The following GRM8 variants were observed in gnomAD, a reference collection of about 807,000 sequenced individuals.
GRM8 encodes metabotropic glutamate receptor 8.
A neutral mutation model predicts 87.2 loss-of-function variants in GRM8; 47 were observed. That is an observed-to-expected ratio of 0.54 (90% CI 0.43 to 0.69). The LOEUF (loss-of-function observed/expected upper bound fraction) is 0.69, where lower values mean the gene tolerates loss of function less well. Ranked by LOEUF, GRM8 falls within the 30% of genes least tolerant of loss-of-function variation. The pLI, the probability that GRM8 is intolerant of heterozygous loss-of-function variation, is 0.00. For synonymous variants in GRM8, 396 were observed against 404.5 expected, an observed-to-expected ratio of 0.98 and a Z score of 0.25; for missense variants, 1,019 against 1,139.2, an observed-to-expected ratio of 0.89 and a Z score of 1.52.
intron 2 of GRM8, among the ~76,000 whole-genome samples, chr7:127,225,215 G>A (rs994572038): frequency 1.3e-5 from 2 of 152,184 alleles, no homozygotes; most frequent in Non-Finnish European, 2.9e-5. Flanking sequence ...TGTTCTGGGG[G>A]TACATCTAGG....
chr7:127,046,071 C>T (rs1818893813), intron 3 of GRM8, among the ~76,000 whole-genome samples: 1 of 152,080 alleles, frequency 6.6e-6, no homozygotes, highest in African/African-American at 2.4e-5. Context: ...CTCTCAATAA[C>T]GTTTATATTT....
At chr7:126,795,396 A>G (rs1821848428) in intron 6 of GRM8, among the ~76,000 whole-genome samples, 1 of 152,196 alleles carries the variant, frequency 6.6e-6, no homozygotes, top group Non-Finnish European at 1.5e-5. Context: ...TTTATAATAA[A>G]TGAAAAGTAT....
At chr7:126,524,338 T>C (rs368548418) in intron 9 of GRM8, among the ~76,000 whole-genome samples, 4 of 152,348 alleles carry the variant, frequency 2.6e-5, no homozygotes, top group Middle Eastern at 3.4e-3. Context: ...TGGTTGGCTA[T>C]AGAATTTTAA....
chr7:126,681,807 T>C (rs574493969), intron 7 of GRM8, among the ~76,000 whole-genome samples: 3 of 152,364 alleles, frequency 2.0e-5, no homozygotes, highest in Non-Finnish European at 4.4e-5. Flanking sequence ...ACACATACTT[T>C]TAATTGACAA....
At chr7:127,189,215 G>T (rs1447201317) in intron 2 of GRM8, among the ~76,000 whole-genome samples, 1 of 152,178 alleles carries the variant, frequency 6.6e-6, no homozygotes, top group Non-Finnish European at 1.5e-5. Flanking sequence ...AAATGTGTTT[G>T]TGTTTTCACT....
chr7:126,868,539 G>A (rs556951112), intron 6 of GRM8, among the ~76,000 whole-genome samples: 4 of 152,312 alleles, frequency 2.6e-5, no homozygotes, highest in Admixed American at 2.6e-4. Context: ...CATCCTTTGG[G>A]AAGATTAAGT....
chr7:127,096,707 C>T (rs1824691144), intron 3 of GRM8, among the ~76,000 whole-genome samples: 1 of 152,100 alleles, frequency 6.6e-6, no homozygotes, highest in Non-Finnish European at 1.5e-5. Context: ...AGTAAGTTAC[C>T]CAGATCCCTT....
intron 6 of GRM8, among the ~76,000 whole-genome samples, chr7:126,833,248 A>C (rs775206013): frequency 3.3e-5 from 5 of 152,232 alleles, no homozygotes; most frequent in Non-Finnish European, 4.4e-5. Flanking sequence ...GATAGCTGAT[A>C]AAAGGCAACA....
At chr7:127,159,874 T>C (rs1792989694) in intron 2 of GRM8, among the ~76,000 whole-genome samples, 1 of 152,112 alleles carries the variant, frequency 6.6e-6, no homozygotes, top group Non-Finnish European at 1.5e-5. Context: ...AAAACTGACA[T>C]AAATTGCAAT....
At chr7:126,779,785 T>C (rs1018353414) in intron 6 of GRM8, among the ~76,000 whole-genome samples, 14 of 152,216 alleles carry the variant, frequency 9.2e-5, no homozygotes, top group African/African-American at 3.4e-4. Flanking sequence ...TTTTCTCTCA[T>C]TTAAATTCTA....
At chr7:126,480,844 C>T (rs1443819187) in intron 9 of GRM8, among the ~76,000 whole-genome samples, 1 of 152,086 alleles carries the variant, frequency 6.6e-6, no homozygotes, top group East Asian at 1.9e-4. Context: ...GTAATGGGCA[C>T]ACTTAGCATC....
chr7:126,857,121 A>G (rs1797757387), intron 6 of GRM8, among the ~76,000 whole-genome samples: 1 of 152,232 alleles, frequency 6.6e-6, no homozygotes, highest in Non-Finnish European at 1.5e-5. Context: ...TACTCACTAG[A>G]GAAACTATGC....
intron 7 of GRM8, among the ~76,000 whole-genome samples, chr7:126,618,945 C>A (rs920669811): frequency 1.3e-5 from 2 of 152,148 alleles, no homozygotes; most frequent in African/African-American, 4.8e-5. Context: ...ACTAGTTCAA[C>A]CATTGTGGAA....
At chr7:127,113,841 T>C (rs1380639439) in intron 2 of GRM8, among the ~76,000 whole-genome samples, 1 of 152,210 alleles carries the variant, frequency 6.6e-6, no homozygotes, top group African/African-American at 2.4e-5. Flanking sequence ...TTAAAACTAC[T>C]AGTTGCTTGT....
intron 7 of GRM8, among the ~76,000 whole-genome samples, chr7:126,761,039 T>C (rs1563160972): frequency 6.6e-6 from 1 of 151,720 alleles, no homozygotes; most frequent in Non-Finnish European, 1.5e-5. Context: ...TCTACTAAAA[T>C]ACAAAAAAAA....
chr7:126,775,881 C>T (rs963330297), intron 6 of GRM8, among the ~76,000 whole-genome samples: 1 of 152,100 alleles, frequency 6.6e-6, no homozygotes, highest in African/African-American at 2.4e-5. Flanking sequence ...CCTCCAGCTT[C>T]ATCTGCTGCA....
chr7:126,481,913 C>T (rs1449897174), intron 9 of GRM8, among the ~76,000 whole-genome samples: 1 of 151,972 alleles, frequency 6.6e-6, no homozygotes, highest in Non-Finnish European at 1.5e-5. Context: ...TTTTATAATG[C>T]TTTTGTAAGT....
intron 3 of GRM8, among the ~76,000 whole-genome samples, chr7:126,940,188 A>G (rs546110163): frequency 6.6e-6 from 1 of 152,114 alleles, no homozygotes; most frequent in Admixed American, 6.5e-5. Context: ...TGCAATTCCA[A>G]TTATTTATCC....
At chr7:126,763,325 T>C (rs1817792476) in intron 7 of GRM8, among the ~76,000 whole-genome samples, 1 of 150,762 alleles carries the variant, frequency 6.6e-6, no homozygotes, top group African/African-American at 2.4e-5. Flanking sequence ...AAATTTCAAA[T>C]GGATAATACT....
Sources: gnomAD v4.1 joint callset for allele counts (sites outside exome capture counted in the v4.1 genomes callset) on GRCh38, gnomAD v4.1.1 for gene constraint, MANE v1.5 for transcripts, NCBI Gene and HGNC (gene_info 2026-07-23, HGNC 2026-07-21) for gene names.